The following COBLL1 variants were observed in gnomAD, a reference collection of about 807,000 sequenced individuals.
COBLL1 encodes cordon-bleu WH2 repeat protein like 1.
In COBLL1, 50 loss-of-function variants were observed where a neutral mutation model predicts 94.8. That is an observed-to-expected ratio of 0.53 (90% confidence interval 0.42 to 0.67). The LOEUF (loss-of-function observed/expected upper bound fraction) is 0.67. Ranked by LOEUF, COBLL1 falls within the 30% of genes least tolerant of loss-of-function variation. The pLI is 0.00. For synonymous variants in COBLL1, 448 were observed against 473.8 expected (o/e 0.95, Z 0.71); for missense variants, 1,362 against 1,348.7 (o/e 1.01, Z -0.15).
intron 2 of COBLL1, among the ~76,000 whole-genome samples, chr2:164,787,120 T>C (rs1244406459): frequency 6.6e-6 from 1 of 152,168 alleles, no homozygotes; most frequent in African/African-American, 2.4e-5. Flanking sequence ...CACTAAGGAA[T>C]TGGACATCTG....
At chr2:164,804,859 A>G (rs889694225) in intron 2 of COBLL1, among the ~76,000 whole-genome samples, 2 of 152,114 alleles carry the variant, frequency 1.3e-5, no homozygotes, top group African/African-American at 4.8e-5. Context: ...CCCAACTCCA[A>G]CACCACACAT....
chr2:164,695,328 A>C lies in COBLL1; in HGVS notation c.2064T>G (p.Pro688=), dbSNP rs998626534. ...CAHGNDDLLP[P]VDRIDKNSTA... is the part of the protein sequence containing the mutation. ...TGGAATTTTTGTCAATCCTATCTAC[A>C]GGAGGCAAAAGATCATCATTACCAT... is the stretch of plus-strand genomic sequence containing the variant. The change falls in exon 12 of 14, where the codon CCT becomes CCG. Residue 688 remains proline (P), a synonymous_variant. Coordinates refer to ENST00000652658, the MANE Select transcript of COBLL1 (RefSeq NM_001365672.2). 2 of 1,613,944 alleles carry C rather than the reference A, an allele frequency of 1.2e-6. No homozygotes were observed. Among genetic ancestry groups the C allele is most frequent in the Non-Finnish European group, 1.7e-6 (2 of 1,179,926 alleles).
chr2:164,736,026 G>A (rs773931632), intron 3 of COBLL1, among the ~76,000 whole-genome samples: 2 of 152,074 alleles, frequency 1.3e-5, no homozygotes, highest in African/African-American at 2.4e-5. Context: ...TCTCTTGTAA[G>A]ATAATATAAT....
chr2:164,786,067 C>CTA (rs1399567682), intron 2 of COBLL1, among the ~76,000 whole-genome samples: 4 of 152,026 alleles, frequency 2.6e-5, no homozygotes, highest in Admixed American at 2.6e-4. Flanking sequence ...TCCAGTGTTT[C>CTA]TATGTATTAT....
At chr2:164,820,816 A>T (rs1395521207) in intron 2 of COBLL1, among the ~76,000 whole-genome samples, 1 of 152,182 alleles carries the variant, frequency 6.6e-6, no homozygotes, top group African/African-American at 2.4e-5. Context: ...AATAAGAAAA[A>T]GTGCAACTGT....
chr2:164,785,239 AT>A (rs1402023284), intron 2 of COBLL1, among the ~76,000 whole-genome samples: 2 of 152,172 alleles, frequency 1.3e-5, no homozygotes, highest in Non-Finnish European at 1.5e-5. Context: ...AAATACAAAA[AT>A]TAGCTGGGTG....
intron 7 of COBLL1, 54 bp from the exon 8 acceptor site, chr2:164,705,159 T>C: frequency 7.1e-7 from 1 of 1,403,760 alleles, no homozygotes; most frequent in South Asian, 1.6e-5. Flanking sequence ...AGTAGCAAAC[T>C]TTAGGAAGAC....
intron 7 of COBLL1, among the ~76,000 whole-genome samples, chr2:164,711,139 C>G (rs1358448318): frequency 6.6e-6 from 1 of 152,022 alleles, no homozygotes; most frequent in Non-Finnish European, 1.5e-5. Context: ...CCTCCTCATT[C>G]ATGAAAAGGA....
At chr2:164,745,937 G>A (rs1316762730) in intron 2 of COBLL1, among the ~76,000 whole-genome samples, 1 of 152,108 alleles carries the variant, frequency 6.6e-6, no homozygotes, top group Non-Finnish European at 1.5e-5. Flanking sequence ...TTGGCACAAA[G>A]TTCATATATG....
At chr2:164,705,228 A>G (rs1684523780) in intron 7 of COBLL1, 123 bp from the exon 8 acceptor site, 1 of 688,770 alleles carries the variant, frequency 1.5e-6, no homozygotes, top group African/African-American at 1.9e-5. Flanking sequence ...TCATTCCTTA[A>G]AAACGTTTAT....
chr2:164,814,605 T>TC (rs150227359), intron 2 of COBLL1, among the ~76,000 whole-genome samples: 17,835 of 152,162 alleles, frequency 0.12, 1,396 homozygotes, highest in Admixed American at 0.18. Context: ...CTTTCTTTTT[T>TC]CCCACAATAA....
At position 164,663,874 on chromosome 2, in the gene COBLL1, T is replaced by C. The variant is rs576609157; in HGVS notation, n.181+1973A>G. Among the ~76,000 whole-genome samples the C allele has an allele frequency of 4.6e-5, 7 of 152,308 alleles. No homozygotes were observed. The East Asian group carries it at 1.4e-3, about 29-fold the overall frequency. ...TTCACTATTTGTGTGACAAGATAAATGGAAGCCCAAACTTCACACAGTATA... is the reference window on the plus strand; with the variant it reads ...TTCACTATTTGTGTGACAAGATAAACGGAAGCCCAAACTTCACACAGTATA... On this transcript the variant is annotated intron_variant and non_coding_transcript_variant, in intron 2 of 2. Transcript: ENST00000495084.
At chr2:164,841,963 C>A, upstream of COBLL1, 1 of 1,538,588 alleles carries the variant, frequency 6.5e-7, no homozygotes. The surrounding 1 kb of genome is among the most constrained non-coding windows in gnomAD (Gnocchi z 5.5). Context: ...TCACCCTGCC[C>A]CATTTCCCTG....
At chr2:164,734,658 G>A (rs1686204738) in intron 3 of COBLL1, among the ~76,000 whole-genome samples, 1 of 152,190 alleles carries the variant, frequency 6.6e-6, no homozygotes, top group African/African-American at 2.4e-5. Context: ...TTTGTAGGGA[G>A]CTGATAGGAT....
At chr2:164,715,179 CAAAGTATGTATTATAT>C (rs1038423963) in intron 7 of COBLL1, among the ~76,000 whole-genome samples, 10 of 152,022 alleles carry the variant, frequency 6.6e-5, no homozygotes, top group Non-Finnish European at 1.5e-4. Context: ...ACTACAGTGG[CAAAGTATGTATTATAT>C]CTAGGAAAGC....
At chr2:164,786,776 C>T (rs2105287668) in intron 2 of COBLL1, among the ~76,000 whole-genome samples, 1 of 152,200 alleles carries the variant, frequency 6.6e-6, no homozygotes, top group South Asian at 2.1e-4. Flanking sequence ...TAATGATTTC[C>T]ATTGTACTTC....
chr2:164,733,669 T>A (rs1686139220), intron 3 of COBLL1, among the ~76,000 whole-genome samples: 1 of 152,188 alleles, frequency 6.6e-6, no homozygotes, highest in Admixed American at 6.5e-5. Context: ...GAATTTTCAG[T>A]AAGTGGTACT....
intron 3 of COBLL1, among the ~76,000 whole-genome samples, chr2:164,736,911 T>C (rs1417793620): frequency 6.6e-6 from 1 of 152,250 alleles, no homozygotes; most frequent in Non-Finnish European, 1.5e-5. Flanking sequence ...TCTGCCTGCT[T>C]AATGAAATTG....
intron 12 of COBLL1, among the ~76,000 whole-genome samples, chr2:164,693,206 T>G (rs1171319814): frequency 6.6e-6 from 1 of 152,154 alleles, no homozygotes; most frequent in Non-Finnish European, 1.5e-5. Context: ...TGGTATTCTA[T>G]TCCAAGAAAA....
Sources: gnomAD v4.1 joint callset for allele counts (sites outside exome capture counted in the v4.1 genomes callset) on GRCh38, gnomAD v4.1.1 for gene constraint, Gnocchi (gnomAD v3.1) non-coding constraint, MANE v1.5 for transcripts, NCBI Gene and HGNC (gene_info 2026-07-23, HGNC 2026-07-21) for gene names.